Variants in LRBA observed in about 807,000 individuals in gnomAD.
LRBA encodes lipopolysaccharide-responsive and beige-like anchor protein.
LRBA carries 176 observed loss-of-function variants against 330.0 expected under a neutral mutation model. The ratio of observed to expected loss-of-function variants is 0.53; its 90% CI spans 0.47 to 0.60. LRBA has a LOEUF of 0.60. Ranked by LOEUF, LRBA falls within the 20% of genes least tolerant of loss-of-function variation. LRBA has a pLI of 0.00. For missense variants in LRBA, 3,259 were observed against 3,444.8 expected (o/e 0.95, Z 1.35); for synonymous variants, 1,230 against 1,193.0 (o/e 1.03, Z -0.64).
intron 37 of LRBA, among the ~76,000 whole-genome samples, chr4:150,672,697 T>C (rs1782171830): frequency 2.0e-5 from 3 of 152,114 alleles, no homozygotes; most frequent in Admixed American, 2.0e-4. Context: ...TGGTTTAGCA[T>C]GATACCAGGG....
At chr4:150,913,117 G>A (rs1195801005) in intron 9 of LRBA, among the ~76,000 whole-genome samples, 1 of 152,108 alleles carries the variant, frequency 6.6e-6, no homozygotes, top group Non-Finnish European at 1.5e-5. Context: ...TAACTTTGTT[G>A]ACACTTGTTT....
Position 150,916,533 on chromosome 4 carries a change from A to C in LRBA, c.768-6T>G. On this transcript the variant is annotated splice_region_variant and splice_polypyrimidine_tract_variant and intron_variant, in intron 6 of 56. Coordinates refer to ENST00000651943, the MANE Select transcript of LRBA (RefSeq NM_001364905.1). ...GACCTTTGCTGGTTCTGAAACTATA[A>C]AGAATAGTTTTCATTTTACCTCTAA... is the stretch of plus-strand genomic sequence containing the variant. 1 of 1,611,490 alleles carries C rather than the reference A, an allele frequency of 6.2e-7. No individual in the cohort carries two copies. The highest frequency in any genetic ancestry group is 1.3e-5 in the African/African-American group (1 of 74,792).
intron 37 of LRBA, among the ~76,000 whole-genome samples, chr4:150,608,957 G>C (rs1188422479): frequency 1.3e-5 from 2 of 152,164 alleles, no homozygotes; most frequent in Admixed American, 6.6e-5. Context: ...ATTACTGAAT[G>C]ATATTTCATT....
intron 46 of LRBA, among the ~76,000 whole-genome samples, chr4:150,430,095 A>ACT (rs996983299): frequency 6.0e-5 from 9 of 150,920 alleles, no homozygotes; most frequent in African/African-American, 1.9e-4. Context: ...TTAATCTTTC[A>ACT]CTCTCTCTCT....
At chr4:150,358,020 T>C (rs1738129339) in intron 47 of LRBA, among the ~76,000 whole-genome samples, 1 of 152,080 alleles carries the variant, frequency 6.6e-6, no homozygotes. Context: ...AACACATTAT[T>C]TCTATTCCTG....
chr4:150,934,377 C>CA (rs1734842406), intron 2 of LRBA, among the ~76,000 whole-genome samples: 1 of 152,182 alleles, frequency 6.6e-6, no homozygotes, highest in East Asian at 1.9e-4. Context: ...AGATACAACA[C>CA]ATCTGCAGAA....
intron 22 of LRBA, among the ~76,000 whole-genome samples, chr4:150,867,069 A>T (rs1336974957): frequency 2.0e-5 from 3 of 151,244 alleles, no homozygotes; most frequent in African/African-American, 7.3e-5. Context: ...TCAAAAAAGA[A>T]TTTAAGCTAT....
chr4:150,781,579 G>A (rs1005169213), intron 34 of LRBA, among the ~76,000 whole-genome samples: 5 of 152,162 alleles, frequency 3.3e-5, no homozygotes, highest in African/African-American at 9.7e-5. Flanking sequence ...AGTTGGGGAC[G>A]TCTGTTTTAA....
At chr4:150,591,865 A>G (rs1050306496) in intron 38 of LRBA, among the ~76,000 whole-genome samples, 15 of 152,254 alleles carry the variant, frequency 9.9e-5, no homozygotes, top group African/African-American at 2.9e-4. Context: ...CCTGAAATTC[A>G]AAACTCTGAT....
At chr4:150,934,262 A>G (rs1734825527) in intron 2 of LRBA, among the ~76,000 whole-genome samples, 1 of 152,232 alleles carries the variant, frequency 6.6e-6, no homozygotes, top group Non-Finnish European at 1.5e-5. Context: ...GAACACATAC[A>G]AAACCTATCA....
At chr4:150,792,776 T>A (rs979216332) in intron 34 of LRBA, among the ~76,000 whole-genome samples, 32 of 152,068 alleles carry the variant, frequency 2.1e-4, no homozygotes, top group Admixed American at 3.9e-4. Context: ...TTGTTTTTTT[T>A]AAAAAAAGAG....
chr4:150,660,492 C>G (rs528170521), intron 37 of LRBA, among the ~76,000 whole-genome samples: 4 of 143,936 alleles, frequency 2.8e-5, no homozygotes, highest in East Asian at 2.2e-4. Flanking sequence ...GGGGGTCAGC[C>G]CCCCCCGCCC....
chr4:150,681,865 C>T (rs1374268573), intron 37 of LRBA, among the ~76,000 whole-genome samples: 1 of 152,036 alleles, frequency 6.6e-6, no homozygotes, highest in Non-Finnish European at 1.5e-5. Flanking sequence ...TACTGAAACA[C>T]TAATTATTTC....
rs544628297 is a variant in LRBA at position 150,679,383 on chromosome 4, C to T, written c.5921+4168G>A. On this transcript the variant is annotated intron_variant, in intron 37 of 56. Coordinates refer to ENST00000651943, the MANE Select transcript of LRBA (RefSeq NM_001364905.1). ...GCTAATATTGATAGTTTGTCCATTA[C>T]AGGTCAGCTAACTGTCCACTGGAAC... 3.9e-5 allele frequency among the ~76,000 whole-genome samples: 6 copies of T among 152,274 alleles called. 1 individual carries two copies. In the South Asian group the frequency reaches 1.2e-3, roughly 32 times the overall value.
In LRBA at chr4:150,577,850, T is replaced by C. The variant is rs74540027; in HGVS notation, c.6330+10198A>G. 3.6e-3 allele frequency among the ~76,000 whole-genome samples: 549 copies of C among 152,340 alleles called. 20 individuals carry two copies. In the East Asian group the frequency reaches 0.095, roughly 26 times the overall value. On this transcript the variant is annotated intron_variant, in intron 40 of 56. Transcript: ENST00000651943. The stretch of plus-strand genomic sequence containing the variant: ...AATAAAACAGTTTAAGAATTTTGTA[T>C]TCTCTGGAAACATAAACAGGATTAT...
At position 150,929,082 on chromosome 4, in the gene LRBA, A is replaced by T. The variant is rs1478025200; in HGVS notation, c.217-17T>A. 2 of 1,542,606 alleles carry T rather than the reference A, an allele frequency of 1.3e-6. No individual in the cohort carries two copies. The highest frequency in any genetic ancestry group is 1.4e-5 in the African/African-American group (1 of 72,932). On this transcript the variant is annotated splice_polypyrimidine_tract_variant and intron_variant, in intron 2 of 56. Transcript: ENST00000651943. ...TCCTACCAACTTACAAGGAAAAAAA[A>T]AAAACACATTAAAAGCATTAGTATC...
intron 33 of LRBA, among the ~76,000 whole-genome samples, chr4:150,799,051 T>G (rs1199077182): frequency 6.6e-6 from 1 of 152,156 alleles, no homozygotes; most frequent in African/African-American, 2.4e-5. Context: ...CTTTGTCTTT[T>G]TATTCTTTAG....
At chr4:150,376,373 A>G (rs552557515) in intron 47 of LRBA, among the ~76,000 whole-genome samples, 1 of 152,344 alleles carries the variant, frequency 6.6e-6, no homozygotes, top group East Asian at 1.9e-4. Context: ...GGTCGGCACA[A>G]AATTGTGGTT....
chr4:150,532,777 T>A (rs955044995), intron 40 of LRBA, among the ~76,000 whole-genome samples: 2 of 152,042 alleles, frequency 1.3e-5, no homozygotes, highest in Non-Finnish European at 2.9e-5. Context: ...AGAAATTAAA[T>A]TTAATATGTA....
Sources: gnomAD v4.1 joint callset for allele counts (sites outside exome capture counted in the v4.1 genomes callset) on GRCh38, gnomAD v4.1.1 for gene constraint, MANE v1.5 for transcripts, NCBI Gene and HGNC (gene_info 2026-07-23, HGNC 2026-07-21) for gene names.